Variants in IL1RAPL1 observed in about 807,000 individuals in gnomAD.
The protein encoded by IL1RAPL1 is interleukin-1 receptor accessory protein-like 1.
A neutral mutation model predicts 48.4 loss-of-function variants in IL1RAPL1; 3 were observed. That is an observed-to-expected ratio of 0.06 (90% CI 0.03 to 0.16). IL1RAPL1 has a LOEUF of 0.16. Among genes scored for constraint, IL1RAPL1 ranks in the 10% least tolerant of loss-of-function variants. IL1RAPL1 has a pLI of 1.00. For synonymous variants in IL1RAPL1, 185 were observed against 187.7 expected (o/e 0.99, Z 0.12); for missense variants, 349 against 530.6 (o/e 0.66, Z 3.36).
Position 29,240,211 on chromosome X carries a change from T to C in IL1RAPL1, c.83-42727T>C, listed in dbSNP as rs1569267340. Among the ~76,000 whole-genome samples, 28 of 52,629 alleles carry C rather than the reference T, an allele frequency of 5.3e-4. 1 individual carries two copies. The East Asian group carries it at 0.016, about 29-fold the overall frequency. The allele number at this position is 52,629 out of a possible 115,157, so 45.7% of individuals were successfully genotyped here. ...ACACACACACATATATATATATATA[T>C]ATATATATATATATTTTTTTTTTTT... On this transcript the variant is annotated intron_variant, in intron 2 of 10. Coordinates refer to ENST00000378993, the MANE Select transcript of IL1RAPL1 (RefSeq NM_014271.4).
intron 6 of IL1RAPL1, among the ~76,000 whole-genome samples, chrX:29,858,499 T>A (rs933187663): frequency 9.0e-6 from 1 of 111,360 alleles, no homozygotes; most frequent in Non-Finnish European, 1.9e-5. Flanking sequence ...TATGGTTCAT[T>A]GTGGCATAAG....
chrX:28,767,619 ATG>A (rs752338818), intron 1 of IL1RAPL1, among the ~76,000 whole-genome samples: 3 of 110,078 alleles, frequency 2.7e-5, no homozygotes, highest in Non-Finnish European at 5.7e-5. Context: ...ACATACACAC[ATG>A]TGTGTGTATG....
At chrX:28,826,023 A>G (rs1936992030) in intron 2 of IL1RAPL1, among the ~76,000 whole-genome samples, 1 of 111,763 alleles carries the variant, frequency 8.9e-6, no homozygotes, top group Non-Finnish European at 1.9e-5. Context: ...ATGCTTATTT[A>G]TAGGCACAAA....
At chrX:29,639,286 T>A (rs891979858) in intron 5 of IL1RAPL1, among the ~76,000 whole-genome samples, 1 of 111,910 alleles carries the variant, frequency 8.9e-6, no homozygotes, top group Non-Finnish European at 1.9e-5. Context: ...GGACTAGACA[T>A]GCCTGGCTCT....
rs777686094 is a variant in IL1RAPL1 at position 29,002,913 on chromosome X, G to A, written c.82+213488G>A. Among the ~76,000 whole-genome samples, 4 of 80,374 alleles carry A rather than the reference G, an allele frequency of 5.0e-5. No homozygotes were observed. The East Asian group carries it at 1.8e-3, about 36-fold the overall frequency. The allele number at this position is 80,374 out of a possible 115,157, so 69.8% of individuals were successfully genotyped here. ...ATTTAAGGAAATCAACCAGTTATGTGTGTACACACACACACACACACACAC... is the reference window on the plus strand; with the variant it reads ...ATTTAAGGAAATCAACCAGTTATGTATGTACACACACACACACACACACAC... On this transcript the variant is annotated intron_variant, in intron 2 of 10. Coordinates refer to ENST00000378993, the MANE Select transcript of IL1RAPL1 (RefSeq NM_014271.4).
At chrX:29,347,701 A>C (rs747193875) in intron 3 of IL1RAPL1, among the ~76,000 whole-genome samples, 3 of 111,498 alleles carry the variant, frequency 2.7e-5, no homozygotes, top group South Asian at 7.5e-4. Context: ...TTTACTTATT[A>C]AGTTGAGAAT....
At chrX:29,435,352 T>A (rs1028876045) in intron 5 of IL1RAPL1, among the ~76,000 whole-genome samples, 1 of 111,242 alleles carries the variant, frequency 9.0e-6, no homozygotes, top group African/African-American at 3.2e-5. Flanking sequence ...AGGTAACTGT[T>A]TAACTTCCTG....
chrX:28,739,475 A>G (rs770103899), intron 1 of IL1RAPL1, among the ~76,000 whole-genome samples: 1 of 111,523 alleles, frequency 9.0e-6, no homozygotes, highest in African/African-American at 3.3e-5. Flanking sequence ...AGCACGTTGC[A>G]TCCACTAACT....
At chrX:28,848,578 A>T (rs1921573772) in intron 2 of IL1RAPL1, among the ~76,000 whole-genome samples, 1 of 111,283 alleles carries the variant, frequency 9.0e-6, no homozygotes, top group South Asian at 3.8e-4. Context: ...TATTAAAAAG[A>T]AATCTGTCAC....
At chrX:29,893,896 T>C in intron 6 of IL1RAPL1, among the ~76,000 whole-genome samples, 1 of 111,913 alleles carries the variant, frequency 8.9e-6, no homozygotes, top group Non-Finnish European at 1.9e-5. Context: ...TGTGAATTTG[T>C]TGACAGAGAG....
At chrX:29,072,536 A>G (rs956522434) in intron 2 of IL1RAPL1, among the ~76,000 whole-genome samples, 3 of 111,370 alleles carry the variant, frequency 2.7e-5, no homozygotes, top group Admixed American at 1.9e-4. Flanking sequence ...TTCTCTCTAA[A>G]ATTGCATCTG....
At chrX:29,265,244 C>A (rs1194779495) in intron 2 of IL1RAPL1, among the ~76,000 whole-genome samples, 1 of 109,017 alleles carries the variant, frequency 9.2e-6, no homozygotes, top group Admixed American at 9.9e-5. Context: ...AAGGATCTAC[C>A]TTTAACTTAT....
intron 5 of IL1RAPL1, among the ~76,000 whole-genome samples, chrX:29,448,879 C>T (rs1204633057): frequency 9.0e-6 from 1 of 111,267 alleles, no homozygotes; most frequent in Non-Finnish European, 1.9e-5. Context: ...TAGATAGACT[C>T]CTTCTCTCTT....
intron 3 of IL1RAPL1, among the ~76,000 whole-genome samples, chrX:29,322,010 A>G (rs369543781): frequency 1.0e-5 from 1 of 98,724 alleles, no homozygotes; most frequent in Non-Finnish European, 2.0e-5. Flanking sequence ...CATATTTTGC[A>G]AAAAAAAAAC....
intron 2 of IL1RAPL1, among the ~76,000 whole-genome samples, chrX:28,980,689 G>T (rs1310494442): frequency 9.0e-6 from 1 of 110,859 alleles, no homozygotes; most frequent in Non-Finnish European, 1.9e-5. Context: ...GGGTCACCTG[G>T]CTAATTTTTT....
At position 29,588,493 on chromosome X, in the gene IL1RAPL1, G is replaced by C. The variant is rs146705053; in HGVS notation, c.704-79937G>C. ...CTAGAAGCTGTTCCTGAGAGATTAA[G>C]TTGTTTTGCATTATCATTACCTTGT... On this transcript the variant is annotated intron_variant, in intron 5 of 10. Coordinates refer to ENST00000378993, the MANE Select transcript of IL1RAPL1 (RefSeq NM_014271.4). 8.0e-3 allele frequency among the ~76,000 whole-genome samples: 894 copies of C among 112,316 alleles called. 11 individuals carry two copies. Among genetic ancestry groups the C allele is most frequent in the African/African-American group, 0.028 (855 of 30,947 alleles).
chrX:29,762,949 A>C (rs1391119093), intron 6 of IL1RAPL1, among the ~76,000 whole-genome samples: 2 of 111,523 alleles, frequency 1.8e-5, no homozygotes, highest in Non-Finnish European at 3.8e-5. Context: ...GTTGTTTGTC[A>C]AAAACTGTCA....
intron 2 of IL1RAPL1, among the ~76,000 whole-genome samples, chrX:28,886,562 G>A (rs1012365207): frequency 1.8e-5 from 2 of 109,604 alleles, no homozygotes; most frequent in African/African-American, 6.6e-5. Flanking sequence ...TTAAGTATAC[G>A]TGGTTAGAAA....
chrX:28,748,524 G>C (rs755320155), intron 1 of IL1RAPL1, among the ~76,000 whole-genome samples: 2 of 111,419 alleles, frequency 1.8e-5, no homozygotes, highest in African/African-American at 3.3e-5. Flanking sequence ...AAATTTGATG[G>C]AACAAACCTT....
Sources: allele counts gnomAD v4.1 joint callset (sites outside exome capture counted in the v4.1 genomes callset), GRCh38; gene constraint gnomAD v4.1.1; transcripts MANE v1.5; gene names NCBI Gene and HGNC (gene_info 2026-07-23, HGNC 2026-07-21).